The following RBFOX1 variants were observed in gnomAD, a reference collection of about 807,000 sequenced individuals.
RBFOX1 encodes the protein RNA binding protein fox-1 homolog 1.
RBFOX1 carries 8 observed loss-of-function variants against 57.7 expected under a neutral mutation model. That is an observed-to-expected ratio of 0.14 (90% CI 0.08 to 0.25). RBFOX1 has a LOEUF of 0.25. Among genes scored for constraint, RBFOX1 ranks in the 10% least tolerant of loss-of-function variants. The pLI is 1.00. For missense variants in RBFOX1, 611 were observed against 548.5 expected (o/e 1.11, Z -1.14); for synonymous variants, 326 against 222.4 (o/e 1.47, Z -4.15).
intron 2 of RBFOX1, among the ~76,000 whole-genome samples, chr16:5,568,617 G>T (rs2046157378): frequency 6.6e-6 from 1 of 152,060 alleles, no homozygotes; most frequent in South Asian, 2.1e-4. Flanking sequence ...GTCTGCAGTG[G>T]GCTGGCATAA....
intron 13 of RBFOX1, among the ~76,000 whole-genome samples, chr16:7,672,664 G>T (rs1276128094): frequency 6.6e-6 from 1 of 151,828 alleles, no homozygotes; most frequent in African/African-American, 2.4e-5. Flanking sequence ...AGGGGTTCAA[G>T]ACGGGGCCAG....
At chr16:7,506,420 G>T (rs2073321155) in intron 4 of RBFOX1, among the ~76,000 whole-genome samples, 1 of 151,870 alleles carries the variant, frequency 6.6e-6, no homozygotes, top group African/African-American at 2.4e-5. Flanking sequence ...GCGGTGTGTT[G>T]GATTCTTGTT....
intron 1 of RBFOX1, among the ~76,000 whole-genome samples, chr16:6,225,135 C>T (rs1384288397): frequency 2.0e-5 from 3 of 151,040 alleles, no homozygotes; most frequent in South Asian, 2.1e-4. Flanking sequence ...AGGTAGAGAA[C>T]AGTGGAAGAG....
intron 1 of RBFOX1, among the ~76,000 whole-genome samples, chr16:5,266,778 C>T (rs548483497): frequency 1.6e-4 from 24 of 151,738 alleles, no homozygotes; most frequent in African/African-American, 4.6e-4. Context: ...AGGCTGGTCT[C>T]GAGCTGTTGG....
intron 3 of RBFOX1, among the ~76,000 whole-genome samples, chr16:6,784,606 A>C (rs1378296256): frequency 6.6e-6 from 1 of 152,008 alleles, no homozygotes; most frequent in Non-Finnish European, 1.5e-5. Flanking sequence ...TATCTCTAGG[A>C]TTGATCACTG....
intron 1 of RBFOX1, among the ~76,000 whole-genome samples, chr16:5,385,099 G>C (rs541300118): frequency 6.6e-6 from 1 of 152,338 alleles, no homozygotes; most frequent in Admixed American, 6.5e-5. Context: ...TTCAACATTA[G>C]TAATTATTAT....
intron 3 of RBFOX1, among the ~76,000 whole-genome samples, chr16:5,649,105 G>A (rs73512415): frequency 0.022 from 3,384 of 151,672 alleles, 131 homozygotes; most frequent in African/African-American, 0.074. Flanking sequence ...ACATAAAAGC[G>A]ATTATATATA....
chr16:7,219,603 C>G (rs987774614), intron 4 of RBFOX1, among the ~76,000 whole-genome samples: 6 of 152,158 alleles, frequency 3.9e-5, no homozygotes, highest in African/African-American at 1.2e-4. Context: ...GTAGAAAGAA[C>G]AAGCGTGGCG....
intron 3 of RBFOX1, among the ~76,000 whole-genome samples, chr16:6,754,716 T>G (rs894216219): frequency 6.6e-6 from 1 of 152,100 alleles, no homozygotes; most frequent in African/African-American, 2.4e-5. Flanking sequence ...TTTTTTTTAT[T>G]ATTATAGTTT....
At chr16:6,251,292 C>A (rs959390133) in intron 1 of RBFOX1, among the ~76,000 whole-genome samples, 2 of 152,088 alleles carry the variant, frequency 1.3e-5, no homozygotes, top group African/African-American at 2.4e-5. Context: ...CTGCACAGCA[C>A]CCTTGATATT....
At chr16:6,738,976 C>T (rs1028258745) in intron 3 of RBFOX1, among the ~76,000 whole-genome samples, 15 of 152,184 alleles carry the variant, frequency 9.9e-5, no homozygotes, top group African/African-American at 1.4e-4. Context: ...ATGTGTGTGT[C>T]GCAGCCAAAG....
chr16:7,450,326 G>A (rs1413472260), intron 4 of RBFOX1, among the ~76,000 whole-genome samples: 3 of 147,212 alleles, frequency 2.0e-5, no homozygotes, highest in African/African-American at 5.1e-5. Context: ...CCAGGGAGTC[G>A]GAGGTTGCAG....
At chr16:6,337,218 A>G (rs2191424) in intron 2 of RBFOX1, among the ~76,000 whole-genome samples, 61,349 of 151,964 alleles carry the variant, frequency 0.4, 12,761 homozygotes, top group African/African-American at 0.46. Flanking sequence ...ATTTCCCCCA[A>G]AACACCAAAG....
rs1008600145 is a variant in RBFOX1, at chr16:6,410,419, C to T, written c.-64+93362C>T. On this transcript the variant is annotated intron_variant, in intron 2 of 15. Transcript: ENST00000550418. The stretch of plus-strand genomic sequence containing the variant: ...CTCCACCTTCTGGGTTCAGGCCATT[C>T]TCCTGCCTCAGCCTCCCGAGTAGCT... Among the ~76,000 whole-genome samples, 3 of 148,788 alleles carry T rather than the reference C, an allele frequency of 2.0e-5. No individual in the cohort carries two copies. In the Admixed American group the frequency reaches 2.0e-4, roughly 10 times the overall value.
intron 3 of RBFOX1, among the ~76,000 whole-genome samples, chr16:6,844,796 GC>G (rs1486082708): frequency 2.0e-5 from 3 of 152,112 alleles, no homozygotes; most frequent in Non-Finnish European, 4.4e-5. Context: ...AATTTACACT[GC>G]CTCCAACAGT....
chr16:7,017,698 A>G (rs1271240895), intron 3 of RBFOX1, among the ~76,000 whole-genome samples: 1 of 152,108 alleles, frequency 6.6e-6, no homozygotes, highest in Non-Finnish European at 1.5e-5. Context: ...CCTTTTCTAG[A>G]TGTTCAATAG....
chr16:6,038,156 A>G (rs2095391217), intron 1 of RBFOX1: 1 of 150,046 alleles, frequency 6.7e-6, no homozygotes, highest in Non-Finnish European at 1.5e-5. Flanking sequence ...AAGCAAGCCT[A>G]TATTTATTTA....
At chr16:7,392,763 G>A (rs1010145603) in intron 4 of RBFOX1, among the ~76,000 whole-genome samples, 1 of 152,104 alleles carries the variant, frequency 6.6e-6, no homozygotes, top group Non-Finnish European at 1.5e-5. Flanking sequence ...TGAATCTAAG[G>A]GTTTGCATAA....
At chr16:5,877,324 A>G (rs1433100265) in intron 4 of RBFOX1, among the ~76,000 whole-genome samples, 2 of 152,200 alleles carry the variant, frequency 1.3e-5, no homozygotes, top group Non-Finnish European at 2.9e-5. Flanking sequence ...TGAATGAAAC[A>G]CTTTTTTCTG....
Sources: allele counts gnomAD v4.1 joint callset (sites outside exome capture counted in the v4.1 genomes callset), GRCh38; gene constraint gnomAD v4.1.1; transcripts MANE v1.5; gene names NCBI Gene and HGNC (gene_info 2026-07-23, HGNC 2026-07-21).